The following EFTUD2 variants were observed in gnomAD, a reference collection of about 807,000 sequenced individuals.
EFTUD2 encodes elongation factor Tu GTP binding domain containing 2, also known as 116 kDa U5 small nuclear ribonucleoprotein component.
Under a neutral mutation model 114.3 loss-of-function variants are expected in EFTUD2, and 9 were observed. That is an observed-to-expected ratio of 0.08 (90% CI 0.05 to 0.14). The LOEUF (loss-of-function observed/expected upper bound fraction) is 0.14, where lower values mean the gene tolerates loss of function less well. EFTUD2 is among the 10% of genes least tolerant of loss of function. The probability of loss-of-function intolerance (pLI) is 1.00; values close to 1 mark genes in which losing one functional copy is unlikely to be tolerated. For missense variants in EFTUD2, 765 were observed against 1,241.2 expected (o/e 0.62, Z 5.76); for synonymous variants, 449 against 462.3 (o/e 0.97, Z 0.37).
chr17:44,850,245 T>TA lies in EFTUD2; in HGVS notation c.*1028dup. On this transcript the variant is annotated 3_prime_UTR_variant, in exon 28 of 28. Coordinates refer to ENST00000426333, the MANE Select transcript of EFTUD2 (RefSeq NM_004247.4). ...GAAGCTGGACTCTCAAGGGAGCAGCTAGAGGTGAACCCCTAGGACGCCTGA... is the reference window on the plus strand; with the variant it reads ...GAAGCTGGACTCTCAAGGGAGCAGCTAAGAGGTGAACCCCTAGGACGCCTGA... 1 of 1,009,786 alleles carries TA rather than the reference T, an allele frequency of 9.9e-7. No individual in the cohort carries two copies. Among genetic ancestry groups the TA allele is most frequent in the Non-Finnish European group, 1.5e-6 (1 of 664,578 alleles). 62.6% of individuals were successfully genotyped at this position (1,009,786 alleles called of 1,614,324 possible).
chr17:44,886,636 C>A lies in EFTUD2; in HGVS notation c.220G>T (p.Gly74Cys). Reference sequence around the variant, plus strand: ...TGAACTATGGTCTCCACCTCAGGACCATACACCTCCTCGGCTGTTGGGTAG... The same window carrying A: ...TGAACTATGGTCTCCACCTCAGGACAATACACCTCCTCGGCTGTTGGGTAG... Reference protein sequence around the residue: ...KYYPTAEEVYGPEVETIVQEE... With the variant: ...KYYPTAEEVYCPEVETIVQEE... The change falls in exon 3 of 28, where the codon GGT (glycine) becomes TGT (cysteine). Residue 74 changes from glycine to cysteine, a missense_variant. Gly to Cys is a radical substitution (Grantham distance 159). Around this residue, in one of 6 missense-constraint regions of EFTUD2, gnomAD observed 121 missense variants for 133.7 expected, o/e 0.90. Transcript: ENST00000426333. The A allele has an allele frequency of 6.2e-7, 1 of 1,614,198 alleles. No homozygotes were observed. Among genetic ancestry groups the A allele is most frequent in the Non-Finnish European group, 8.5e-7 (1 of 1,180,042 alleles).
intron 5 of EFTUD2, chr17:44,883,425 T>C (rs2051108728): frequency 1.6e-6 from 1 of 610,332 alleles, no homozygotes; most frequent in Admixed American, 2.9e-5. Flanking sequence ...TGTCCAGATG[T>C]AGACATAAGG....
intron 11 of EFTUD2, among the ~76,000 whole-genome samples, chr17:44,870,477 T>C (rs1010378598): frequency 2.3e-4 from 35 of 152,198 alleles, no homozygotes; most frequent in African/African-American, 8.2e-4. Flanking sequence ...AGATTACATA[T>C]GTATACAGTT....
rs73986404 is a variant in EFTUD2 at position 44,858,918 on chromosome 17, C to A, written c.1962+162G>T. ...AAACGTATGACACAGCAGAAGGGGG[C>A]AAACCAGTTCTCAAAAACCTTCCCA... On this transcript the variant is annotated intron_variant, in intron 19 of 27. Transcript: ENST00000426333. 6.6e-3 allele frequency among the ~76,000 whole-genome samples: 1,003 copies of A among 152,192 alleles called. 10 individuals are homozygous for A. The highest frequency in any genetic ancestry group is 0.023 in the African/African-American group (939 of 41,522).
chr17:44,889,677 T>G (rs1258535063), intron 2 of EFTUD2, among the ~76,000 whole-genome samples: 1 of 152,204 alleles, frequency 6.6e-6, no homozygotes. Flanking sequence ...AATTCCAGCA[T>G]GCCAACCTCT....
intron 6 of EFTUD2, among the ~76,000 whole-genome samples, 195 bp downstream of exon 6, chr17:44,882,898 G>C (rs2051097898): frequency 6.6e-6 from 1 of 152,118 alleles, no homozygotes; most frequent in African/African-American, 2.4e-5. Flanking sequence ...AAATACTGCA[G>C]CTCAATATTC....
At chr17:44,898,047 G>A (rs2051426083) in intron 1 of EFTUD2, among the ~76,000 whole-genome samples, 1 of 152,106 alleles carries the variant, frequency 6.6e-6, no homozygotes, top group African/African-American at 2.4e-5. Flanking sequence ...CACCTGCTGG[G>A]TGCTGAATGT....
chr17:44,868,607 A>T, intron 11 of EFTUD2: 1 of 458,522 alleles, frequency 2.2e-6, no homozygotes, highest in Non-Finnish European at 3.9e-6. Context: ...ACTAGGATTG[A>T]ACTATGGACA....
chr17:44,881,566 G>A (rs2145540714), intron 7 of EFTUD2, 121 bp downstream of exon 7: 1 of 1,039,596 alleles, frequency 9.6e-7, no homozygotes, highest in East Asian at 2.4e-5. Context: ...TGTGAGAAGT[G>A]GAGAGAGAGG....
intron 20 of EFTUD2, 132 bp downstream of exon 20, chr17:44,856,943 G>A: frequency 2.9e-6 from 2 of 687,158 alleles, no homozygotes; most frequent in Non-Finnish European, 5.1e-6. Flanking sequence ...CTCAAGTATT[G>A]TAAGCACCCC....
chr17:44,877,472 G>C (rs985303848), intron 9 of EFTUD2, among the ~76,000 whole-genome samples: 1 of 152,108 alleles, frequency 6.6e-6, no homozygotes, highest in African/African-American at 2.4e-5. Flanking sequence ...GTGATAATAA[G>C]CAAATGGGGG....
chr17:44,870,847 A>G (rs2050837975), intron 11 of EFTUD2, among the ~76,000 whole-genome samples: 1 of 151,938 alleles, frequency 6.6e-6, no homozygotes, highest in Non-Finnish European at 1.5e-5. Context: ...GTGAAACCCC[A>G]TCTCTACTAA....
chr17:44,880,521 G>T (rs770098370), intron 8 of EFTUD2, 33 bp downstream of exon 8: 1 of 1,566,956 alleles, frequency 6.4e-7, no homozygotes, highest in South Asian at 1.1e-5. Flanking sequence ...CCAAGACAAG[G>T]TTCTAATAAT....
intron 16 of EFTUD2, 148 bp from the exon 17 acceptor site, chr17:44,860,691 C>T (rs2050640376): frequency 1.7e-6 from 1 of 601,854 alleles, no homozygotes; most frequent in South Asian, 2.1e-5. Flanking sequence ...CTCGAACTTC[C>T]AAGGTTCCAG....
chr17:44,881,778 G>A lies in EFTUD2; in HGVS notation c.493-56C>T, dbSNP rs115665005. 882 of 1,547,080 alleles carry A rather than the reference G, an allele frequency of 5.7e-4. 3 individuals carry two copies. In the African/African-American group the frequency reaches 9.4e-3, roughly 17 times the overall value. ...GAGTTGAGACTGCTCTCCCACAAAC[G>A]AACCATCAATCACTTTCCCTCACTA... On this transcript the variant is annotated intron_variant, in intron 6 of 27. Transcript: ENST00000426333.
At position 44,894,513 on chromosome 17, in the gene EFTUD2, G is replaced by C. The variant is rs565428777; in HGVS notation, c.9C>G (p.Thr3=). 6 of 1,612,830 alleles carry C rather than the reference G, an allele frequency of 3.7e-6. No homozygotes were observed. Among genetic ancestry groups the C allele is most frequent in the Non-Finnish European group, 5.1e-6 (6 of 1,179,108 alleles). Residue 3 remains threonine (T), a synonymous_variant, in exon 2 of 28, where the codon ACC becomes ACG. Transcript: ENST00000426333. ...AATTCCCAAACTCATCATATAAGTC[G>C]GTATCCATGATGCTAAAATTCAAGG... MD[T]DLYDEFGNYI... is the part of the protein sequence containing the mutation.
At chr17:44,896,712 T>A (rs2051392317) in intron 1 of EFTUD2, among the ~76,000 whole-genome samples, 1 of 152,182 alleles carries the variant, frequency 6.6e-6, no homozygotes, top group Non-Finnish European at 1.5e-5. Context: ...CTATAGTTTA[T>A]AAGCAATAAA....
chr17:44,851,830 G>A lies in EFTUD2; in HGVS notation c.2716-13C>T, dbSNP rs1232473343. 1 of 1,600,904 alleles carries A rather than the reference G, an allele frequency of 6.2e-7. No homozygotes were observed. Among genetic ancestry groups the A allele is most frequent in the African/African-American group, 1.3e-5 (1 of 74,692 alleles). On this transcript the variant is annotated splice_polypyrimidine_tract_variant and intron_variant, in intron 26 of 27. Coordinates refer to ENST00000426333, the MANE Select transcript of EFTUD2 (RefSeq NM_004247.4). ...CACCAGGCACAATCTAAAAGGCAAA[G>A]GAATTTCAGATGGCCCAGGCAGAAT...
At chr17:44,871,583 C>T (rs189697512) in intron 11 of EFTUD2, among the ~76,000 whole-genome samples, 2 of 152,282 alleles carry the variant, frequency 1.3e-5, no homozygotes, top group East Asian at 3.9e-4. Flanking sequence ...TCGTGATCTG[C>T]CTGCCTCAGC....
Sources: gnomAD v4.1 joint callset for allele counts (sites outside exome capture counted in the v4.1 genomes callset) on GRCh38, gnomAD v4.1.1 for gene constraint, gnomAD v4.1.1 regional missense constraint, MANE v1.5 for transcripts, NCBI Gene and HGNC (gene_info 2026-07-23, HGNC 2026-07-21) for gene names.